The following SLA variants were observed in gnomAD, a reference collection of about 807,000 sequenced individuals.
SLA encodes src-like-adapter.
SLA carries 16 observed loss-of-function variants against 30.3 expected under a neutral mutation model. The ratio of observed to expected loss-of-function variants is 0.53; its 90% CI spans 0.36 to 0.80. The LOEUF is 0.80. Among genes scored for constraint, SLA ranks in the 30% least tolerant of loss-of-function variants. The pLI is 0.01. For missense variants in SLA, 310 were observed against 345.2 expected, an observed-to-expected ratio of 0.90 and a Z score of 0.81; for synonymous variants, 143 against 137.8, an observed-to-expected ratio of 1.04 and a Z score of -0.26.
chr8:133,059,759 T>C (rs1161353815), intron 3 of SLA, among the ~76,000 whole-genome samples: 2 of 152,146 alleles, frequency 1.3e-5, no homozygotes, highest in African/African-American at 4.8e-5. Flanking sequence ...TGGGCCTGGA[T>C]TGGAAATTTA....
At chr8:133,039,933 T>G in intron 8 of SLA, 65 bp downstream of exon 8, 2 of 1,520,858 alleles carry the variant, frequency 1.3e-6, no homozygotes, top group South Asian at 1.2e-5. Context: ...TGTGCTCACA[T>G]GTTCACAGAG....
At chr8:133,042,844 C>T (rs1365828662) in intron 7 of SLA, among the ~76,000 whole-genome samples, 1 of 151,842 alleles carries the variant, frequency 6.6e-6, no homozygotes. Context: ...CAGGCGCCCA[C>T]CACCACACCT....
chr8:133,064,293 T>A (rs1842779745), intron 2 of SLA: 2 of 152,232 alleles, frequency 1.3e-5, no homozygotes, highest in Admixed American at 6.5e-5. Flanking sequence ...AAAACAACCA[T>A]TGGCGTTTTT....
rs564842814 is a variant in SLA, at chr8:133,082,535, G to A, written c.-318-7405C>T. 3.3e-5 allele frequency among the ~76,000 whole-genome samples: 5 copies of A among 152,352 alleles called. No individual in the cohort carries two copies. In the South Asian group the frequency reaches 1.0e-3, roughly 32 times the overall value. ...CCTGATAATCGACTAGCTTGCTGCA[G>A]CAGAGCAGGCTGTGGGCACCGGGAA... On this transcript the variant is annotated intron_variant, in intron 1 of 8. Transcript: ENST00000338087.
At chr8:133,040,579 A>G (rs1420598906) in intron 7 of SLA, among the ~76,000 whole-genome samples, 1 of 152,152 alleles carries the variant, frequency 6.6e-6, no homozygotes, top group Non-Finnish European at 1.5e-5. Context: ...ATGGGGCTGC[A>G]TACAGCGCTG....
At chr8:133,047,493 C>T (rs1231894463) in intron 6 of SLA, 3 of 332,998 alleles carry the variant, frequency 9.0e-6, no homozygotes, top group Non-Finnish European at 1.7e-5. Context: ...ACAGCCCAGG[C>T]CCATACCAAA....
At chr8:133,078,955 G>T (rs1845319115) in intron 1 of SLA, among the ~76,000 whole-genome samples, 1 of 152,168 alleles carries the variant, frequency 6.6e-6, no homozygotes, top group African/African-American at 2.4e-5. Flanking sequence ...GGTAGGGAGG[G>T]GGCCAGTAGA....
intron 3 of SLA, among the ~76,000 whole-genome samples, chr8:133,052,767 C>T (rs1445651395): frequency 1.3e-5 from 2 of 152,118 alleles, no homozygotes; most frequent in Admixed American, 1.3e-4. Context: ...AAGGACAGAC[C>T]CCAGCAAGGT....
chr8:133,097,136 T>C (rs1276116520), intron 1 of SLA, among the ~76,000 whole-genome samples: 1 of 152,226 alleles, frequency 6.6e-6, no homozygotes, highest in Non-Finnish European at 1.5e-5. Flanking sequence ...GGAGTGCACC[T>C]TCCCCTGCAC....
chr8:133,088,800 T>G (rs1847023252), intron 1 of SLA, among the ~76,000 whole-genome samples: 1 of 152,332 alleles, frequency 6.6e-6, no homozygotes, highest in South Asian at 2.1e-4. Context: ...CGAATTGTAT[T>G]AATTACTGTC....
intron 1 of SLA, among the ~76,000 whole-genome samples, chr8:133,082,415 C>T (rs1845891926): frequency 6.6e-6 from 1 of 152,138 alleles, no homozygotes; most frequent in Admixed American, 6.5e-5. Context: ...TCTTTCCCTC[C>T]TTGTAGATTG....
chr8:133,082,047 A>G (rs1845831247), intron 1 of SLA, among the ~76,000 whole-genome samples: 1 of 152,222 alleles, frequency 6.6e-6, no homozygotes, highest in East Asian at 1.9e-4. Context: ...TGCAAAGGGC[A>G]CAGAGATCCT....
intron 4 of SLA, 70 bp from the exon 5 acceptor site, chr8:133,050,058 G>T (rs1196226626): frequency 2.0e-6 from 2 of 1,002,780 alleles, no homozygotes; most frequent in African/African-American, 3.2e-5. Flanking sequence ...AATGAACAGA[G>T]TAATCAGATT....
intron 1 of SLA, among the ~76,000 whole-genome samples, chr8:133,099,192 T>A (rs1848876532): frequency 6.6e-6 from 1 of 152,224 alleles, no homozygotes. Context: ...GAGCAGCTGC[T>A]AGCCCTGCTC....
intron 1 of SLA, among the ~76,000 whole-genome samples, chr8:133,097,732 G>C (rs552855427): frequency 6.6e-6 from 1 of 152,322 alleles, no homozygotes; most frequent in East Asian, 1.9e-4. Context: ...GTAGAGATGT[G>C]AGAAAGAATA....
At chr8:133,095,670 C>T (rs1006832706) in intron 1 of SLA, among the ~76,000 whole-genome samples, 2 of 152,194 alleles carry the variant, frequency 1.3e-5, no homozygotes, top group Non-Finnish European at 2.9e-5. Context: ...CCCTTTATAG[C>T]ATGCAAAGTT....
At chr8:133,068,733 G>T (rs778015960) in intron 2 of SLA, among the ~76,000 whole-genome samples, 1 of 152,232 alleles carries the variant, frequency 6.6e-6, no homozygotes, top group South Asian at 2.1e-4. Context: ...ATACGGAGGC[G>T]GGCAGCAGAA....
Position 133,038,603 on chromosome 8 carries a change from T to G in SLA, c.752A>C (p.Lys251Thr). The G allele has an allele frequency of 6.2e-7, 1 of 1,614,162 alleles. No individual in the cohort carries two copies. The highest frequency in any genetic ancestry group is 1.1e-5 in the South Asian group (1 of 91,084). Residue 251 changes from lysine to threonine, a missense_variant, in exon 9 of 9, where the codon AAG becomes ACG. Physicochemically the swap from Lys to Thr is moderately conservative, Grantham distance 78 (BLOSUM62 -1). Coordinates refer to ENST00000338087, the MANE Select transcript of SLA (RefSeq NM_001045556.3). ...SEDNTSFDRK[K>T]KSISLMYGGS... ...ACCATACATCAGGGAGATGCTTTTCTTCTTTCGATCAAAGGAGGTGTTGTC... is the reference window on the plus strand; with the variant it reads ...ACCATACATCAGGGAGATGCTTTTCGTCTTTCGATCAAAGGAGGTGTTGTC...
intron 1 of SLA, among the ~76,000 whole-genome samples, chr8:133,093,312 T>C (rs951636690): frequency 6.6e-6 from 1 of 152,162 alleles, no homozygotes; most frequent in African/African-American, 2.4e-5. Flanking sequence ...TAGTTTACTT[T>C]TATTGCTGCT....
Sources: allele counts gnomAD v4.1 joint callset (sites outside exome capture counted in the v4.1 genomes callset), GRCh38; gene constraint gnomAD v4.1.1; transcripts MANE v1.5; gene names NCBI Gene and HGNC (gene_info 2026-07-23, HGNC 2026-07-21).